ADORA2B: variants seen among roughly 807,000 people sequenced by gnomAD.
ADORA2B encodes the protein adenosine A2b receptor.
Under a neutral mutation model 20.8 loss-of-function variants are expected in ADORA2B, and 18 were observed. The ratio of observed to expected loss-of-function variants is 0.87; its 90% CI spans 0.60 to 1.29. The LOEUF (loss-of-function observed/expected upper bound fraction) is 1.29. Among genes scored for constraint, ADORA2B ranks in the 50% most tolerant of loss-of-function variants. The pLI is 0.00. For synonymous variants in ADORA2B, 179 were observed against 178.3 expected (o/e 1.00, Z -0.03); for missense variants, 441 against 422.7 (o/e 1.04, Z -0.38).
chr17:15,974,724 T>C lies in ADORA2B; in HGVS notation c.381T>C (p.Ala127=). Residue 127 remains alanine, a synonymous_variant, in exon 2 of 2, where the codon GCT becomes GCC. Transcript: ENST00000304222. ...GGACCCGAGCAAGAGGGGTCATTGC[T>C]GTCCTCTGGGTCCTTGCCTTTGGCA... ...VTGTRARGVI[A]VLWVLAFGIG... is the part of the protein sequence containing the mutation. 1 of 1,614,198 alleles carries C rather than the reference T, an allele frequency of 6.2e-7. No individual in the cohort carries two copies. The highest frequency in any genetic ancestry group is 1.1e-5 in the South Asian group (1 of 91,076).
At chr17:15,957,912 A>G (rs1597425286) in intron 1 of ADORA2B, among the ~76,000 whole-genome samples, 1 of 149,618 alleles carries the variant, frequency 6.7e-6, no homozygotes, top group Non-Finnish European at 1.5e-5. Flanking sequence ...TTTTAGCACC[A>G]CTGCTGAGTG....
At chr17:15,887,968 A>G in the ADORA2B span, among the ~76,000 whole-genome samples, 1 of 78,008 alleles carries the variant, frequency 1.3e-5, no homozygotes, top group African/African-American at 6.5e-5. Flanking sequence ...AAAAAAAAAA[A>G]AAAAAAAAAA....
the ADORA2B span, among the ~76,000 whole-genome samples, chr17:15,911,594 T>G: frequency 6.6e-6 from 1 of 152,204 alleles, no homozygotes; most frequent in East Asian, 1.9e-4. Context: ...TTAGCCAAAC[T>G]CAGCCATTCT....
chr17:15,927,932 C>T, the ADORA2B span, among the ~76,000 whole-genome samples: 1 of 152,074 alleles, frequency 6.6e-6, no homozygotes, highest in Non-Finnish European at 1.5e-5. Context: ...GACCAAGCCC[C>T]CTGCCTCAGC....
At chr17:15,932,219 G>A in the ADORA2B span, among the ~76,000 whole-genome samples, 1 of 152,058 alleles carries the variant, frequency 6.6e-6, no homozygotes, top group African/African-American at 2.4e-5. Flanking sequence ...TGTTGGCCGG[G>A]CATGGTGGCT....
intron 1 of ADORA2B, among the ~76,000 whole-genome samples, chr17:15,959,711 G>T (rs1970012472): frequency 6.6e-6 from 1 of 152,166 alleles, no homozygotes; most frequent in Non-Finnish European, 1.5e-5. Flanking sequence ...ATGTTGGCCA[G>T]GCTGGTCGTG....
At chr17:15,944,851 G>T (rs1024847632), upstream of ADORA2B, 2 of 156,174 alleles carry the variant, frequency 1.3e-5, no homozygotes, top group African/African-American at 4.8e-5. This position sits in a 1 kb window ranked among gnomAD's most constrained non-coding sequence, Gnocchi z 4.8. Context: ...CCCAGGAGTC[G>T]CCCGGACTGG....
At chr17:15,943,442 T>G, upstream of ADORA2B, among the ~76,000 whole-genome samples, 1 of 152,204 alleles carries the variant, frequency 6.6e-6, no homozygotes. Flanking sequence ...TCCTCCTGCC[T>G]CAGCCTCCCA....
intron 1 of ADORA2B, among the ~76,000 whole-genome samples, chr17:15,954,611 T>C (rs1481960511): frequency 2.6e-5 from 4 of 152,298 alleles, no homozygotes; most frequent in African/African-American, 9.6e-5. Context: ...ATGTCAAAAA[T>C]GTTTTTTTGG....
chr17:15,960,007 C>T (rs190008254), intron 1 of ADORA2B, among the ~76,000 whole-genome samples: 82 of 152,290 alleles, frequency 5.4e-4, no homozygotes, highest in Non-Finnish European at 6.0e-4. Flanking sequence ...CCTCCGGGCA[C>T]GGTGGCTCAC....
At chr17:15,924,081 G>A in the ADORA2B span, among the ~76,000 whole-genome samples, 3 of 151,816 alleles carry the variant, frequency 2.0e-5, no homozygotes, top group African/African-American at 7.3e-5. Context: ...CCCAGCTAAT[G>A]TTTATATTTT....
chr17:15,902,664 C>T, the ADORA2B span, among the ~76,000 whole-genome samples: 1 of 152,216 alleles, frequency 6.6e-6, no homozygotes. Flanking sequence ...CAGCATCCCA[C>T]GAATTGGATA....
the ADORA2B span, among the ~76,000 whole-genome samples, chr17:15,894,759 G>A: frequency 6.6e-6 from 1 of 152,180 alleles, no homozygotes; most frequent in Non-Finnish European, 1.5e-5. Context: ...TCTGAGATGG[G>A]GAGGGCATAG....
chr17:15,950,788 TCTCA>T (rs895660843), intron 1 of ADORA2B, among the ~76,000 whole-genome samples: 9 of 152,116 alleles, frequency 5.9e-5, no homozygotes, highest in African/African-American at 1.2e-4. Context: ...ACCCCCCAAT[TCTCA>T]CTCACCACGG....
upstream of ADORA2B, chr17:15,945,023 C>A: frequency 3.2e-6 from 1 of 311,864 alleles, no homozygotes; most frequent in Non-Finnish European, 5.8e-6. Context: ...GGTGGTGCTC[C>A]GCCCAGCCCG....
At chr17:15,892,525 G>A in the ADORA2B span, among the ~76,000 whole-genome samples, 2 of 152,068 alleles carry the variant, frequency 1.3e-5, no homozygotes, top group Admixed American at 6.6e-5. Context: ...CAAGTGATCC[G>A]ACTGACTCGG....
the ADORA2B span, among the ~76,000 whole-genome samples, chr17:15,879,691 C>T: frequency 6.7e-6 from 1 of 148,960 alleles, no homozygotes; most frequent in Non-Finnish European, 1.5e-5. Context: ...GCGCCCACCA[C>T]CACGCCCGGC....
the ADORA2B span, among the ~76,000 whole-genome samples, chr17:15,915,690 G>A: frequency 5.3e-5 from 8 of 152,170 alleles, no homozygotes; most frequent in Non-Finnish European, 8.8e-5. Context: ...ACAGTCTGCC[G>A]TGTCCAAGTG....
At chr17:15,953,300 A>G (rs1969928733) in intron 1 of ADORA2B, among the ~76,000 whole-genome samples, 1 of 152,226 alleles carries the variant, frequency 6.6e-6, no homozygotes. Context: ...GAGTCCATGA[A>G]TGAGTCGCAT....
Sources: gnomAD v4.1 joint callset for allele counts (sites outside exome capture counted in the v4.1 genomes callset) on GRCh38, gnomAD v4.1.1 for gene constraint, Gnocchi (gnomAD v3.1) non-coding constraint, MANE v1.5 for transcripts, NCBI Gene and HGNC (gene_info 2026-07-23, HGNC 2026-07-21) for gene names.